Variants in CGB5 observed in about 807,000 individuals in gnomAD.
CGB5 encodes chorionic gonadotropin, beta polypeptide 5.
A neutral mutation model predicts 7.6 loss-of-function variants in CGB5; 2 were observed. That is an observed-to-expected ratio of 0.26 (90% CI 0.11 to 0.83). The LOEUF (loss-of-function observed/expected upper bound fraction) is 0.83, where lower values mean the gene tolerates loss of function less well. CGB5 is among the 40% of genes least tolerant of loss of function. The pLI is 0.65. For missense variants in CGB5, 48 were observed against 228.2 expected (o/e 0.21, Z 5.09); for synonymous variants, 25 against 99.8 (o/e 0.25, Z 4.47).
At position 49,044,296 on chromosome 19, in the gene CGB5, A is replaced by C. The variant is rs541840801; in HGVS notation, c.15+72A>C. ...TCACTGGCATGAGAAGGGGCAGACC[A>C]GTGTGAGCTGTGGAAGGAGGCCTCT... On this transcript the variant is annotated intron_variant, in intron 1 of 2. Transcript: ENST00000301408. 4.4e-4 allele frequency: 701 copies of C among 1,610,356 alleles called. 3 individuals are homozygous for C. Among genetic ancestry groups the C allele is most frequent in the South Asian group, 7.9e-4 (72 of 90,958 alleles).
At position 49,043,849 on chromosome 19, in the gene CGB5, G is replaced by A; in HGVS notation, c.-361G>A. 2 of 1,255,170 alleles carry A rather than the reference G, an allele frequency of 1.6e-6. No individual in the cohort carries two copies. Among genetic ancestry groups the A allele is most frequent in the South Asian group, 2.0e-5 (1 of 51,242 alleles). The allele number at this position is 1,255,170 out of a possible 1,614,324, so 77.8% of individuals were successfully genotyped here. On this transcript the variant is annotated 5_prime_UTR_variant, in exon 1 of 3. Coordinates refer to ENST00000301408, the MANE Select transcript of CGB5 (RefSeq NM_033043.2). ...AGAGGAGGGTTGAGGCTTCAATCCAGCACTTTGCTCGGGTCACGGCCTCCT... is the reference window on the plus strand; with the variant it reads ...AGAGGAGGGTTGAGGCTTCAATCCAACACTTTGCTCGGGTCACGGCCTCCT...
rs2039921805 is a variant in CGB5, at chr19:49,044,883, G to A, written c.184-97G>A. The A allele has an allele frequency of 2.4e-5, 38 of 1,572,852 alleles. No individual in the cohort carries two copies. In the South Asian group the frequency reaches 3.3e-4, roughly 14 times the overall value. On this transcript the variant is annotated intron_variant, in intron 2 of 2. Transcript: ENST00000301408. ...GGAGGGCAGGAACAGAGGGCTTCCC[G>A]GACCCCTGAGTCTGAGACCTGTGGG...
chr19:49,044,964 C>A lies in CGB5; in HGVS notation c.184-16C>A. 6.3e-7 allele frequency: 1 copy of A among 1,587,242 alleles called. No homozygotes were observed. The highest frequency in any genetic ancestry group is 2.2e-5 in the East Asian group (1 of 44,720). The stretch of plus-strand genomic sequence containing the variant: ...CCCCAGGCACATGCTCATTCCCCCA[C>A]TCACACGGCTTCCAGACCCGCGTGC... On this transcript the variant is annotated splice_polypyrimidine_tract_variant and intron_variant, in intron 2 of 2. Coordinates refer to ENST00000301408, the MANE Select transcript of CGB5 (RefSeq NM_033043.2).
chr19:49,044,342 C>G lies in CGB5; in HGVS notation c.15+118C>G. ...CCTCTTTCTGGAGGAGCGTGACCCC[C>G]AGTAAGCTTCAGGTGGGGCAGTTCC... is the stretch of plus-strand genomic sequence containing the variant. On this transcript the variant is annotated intron_variant, in intron 1 of 2. Transcript: ENST00000301408. 4 of 1,605,340 alleles carry G rather than the reference C, an allele frequency of 2.5e-6. No individual in the cohort carries two copies. The South Asian group carries it at 4.4e-5, about 18-fold the overall frequency.
chr19:49,044,406 C>T (rs1157579497), intron 1 of CGB5, 171 bp from the exon 2 acceptor site: 6 of 982,108 alleles, frequency 6.1e-6, no homozygotes, highest in South Asian at 4.7e-5. Flanking sequence ...ATCTCAGGTC[C>T]TCTGGGCTGT....
At chr19:49,044,443 C>T (rs1274791446) in intron 1 of CGB5, 134 bp from the exon 2 acceptor site, 14 of 1,461,288 alleles carry the variant, frequency 9.6e-6, no homozygotes, top group South Asian at 2.8e-5. Context: ...GGCAGGTGTC[C>T]GGGTGGTGGG....
At chr19:49,044,505 C>T (rs1285489947) in intron 1 of CGB5, 72 bp from the exon 2 acceptor site, 5 of 1,417,584 alleles carry the variant, frequency 3.5e-6, no homozygotes, top group East Asian at 2.5e-5. Flanking sequence ...GGGTGGTGTA[C>T]CACGCGGGAT....
Position 49,044,206 on chromosome 19 carries a change from A to G in CGB5, c.-4A>G, listed in dbSNP as rs533841470. 72 of 1,613,496 alleles carry G rather than the reference A, an allele frequency of 4.5e-5. No homozygotes were observed. In the East Asian group the frequency reaches 1.3e-3, roughly 29 times the overall value. On this transcript the variant is annotated 5_prime_UTR_variant, in exon 1 of 3. Transcript: ENST00000301408. ...AGGTACACGAGGCAGGGGACGCACC[A>G]AGGATGGAGATGTTCCAGGTAAGAC...
intron 1 of CGB5, 117 bp downstream of exon 1, chr19:49,044,341 C>G: frequency 6.2e-7 from 1 of 1,605,740 alleles, no homozygotes; most frequent in Non-Finnish European, 8.5e-7. Context: ...AGCGTGACCC[C>G]CAGTAAGCTT....
rs4002422 is a variant in CGB5 at position 49,044,395 on chromosome 19, C to T, written c.15+171C>T. The stretch of plus-strand genomic sequence containing the variant: ...AGGGTGGGGATCTGAAATTTTGGGG[C>T]ATCTCAGGTCCTCTGGGCTGTGGGG... On this transcript the variant is annotated intron_variant, in intron 1 of 2. Transcript: ENST00000301408. The T allele has an allele frequency of 1.2e-3, 1,141 of 980,706 alleles. 6 individuals carry two copies. The highest frequency in any genetic ancestry group is 3.1e-3 in the African/African-American group (165 of 53,260). The allele number at this position is 980,706 out of a possible 1,614,324, so 60.8% of individuals were successfully genotyped here. A position where few individuals can be genotyped will look rare whatever the true frequency, so the allele number is the denominator to read the frequency against.
chr19:49,044,907 G>A (rs910361473), intron 2 of CGB5, 73 bp from the exon 3 acceptor site: 5 of 1,590,746 alleles, frequency 3.1e-6, no homozygotes, highest in South Asian at 1.1e-5. Context: ...GAGACCTGTG[G>A]GGGCAACTGG....
chr19:49,044,067 G>A lies in CGB5; in HGVS notation c.-143G>A, dbSNP rs541779442. ...GGGCGCTCCGCTGAGCCACTCCTGC[G>A]CCCCCCTGGCCTTGTCTACCTCTTG... On this transcript the variant is annotated 5_prime_UTR_variant, in exon 1 of 3. Coordinates refer to ENST00000301408, the MANE Select transcript of CGB5 (RefSeq NM_033043.2). The A allele has an allele frequency of 4.6e-5, 64 of 1,399,460 alleles. 1 individual carries two copies. The highest frequency in any genetic ancestry group is 4.6e-4 in the East Asian group (20 of 43,812). 86.7% of individuals were successfully genotyped at this position (1,399,460 alleles called of 1,614,324 possible).
In CGB5 at chr19:49,043,880, C is replaced by T. The variant is rs1181407191; in HGVS notation, c.-330C>T. 89 of 1,274,680 alleles carry T rather than the reference C, an allele frequency of 7.0e-5. No individual in the cohort carries two copies. Among genetic ancestry groups the T allele is most frequent in the Non-Finnish European group, 8.5e-5 (84 of 987,114 alleles). 79.0% of individuals were successfully genotyped at this position (1,274,680 alleles called of 1,614,324 possible). A position where few individuals can be genotyped will look rare whatever the true frequency, so the allele number is the denominator to read the frequency against. ...TGCTCGGGTCACGGCCTCCTCCTGG[C>T]TCCCAGGACCCCACCATAGGCAGAG... On this transcript the variant is annotated 5_prime_UTR_variant, in exon 1 of 3. Coordinates refer to ENST00000301408, the MANE Select transcript of CGB5 (RefSeq NM_033043.2).
rs1188656718 is a variant in CGB5 at position 49,044,393 on chromosome 19, G to A, written c.15+169G>A. The A allele has an allele frequency of 4.1e-6, 4 of 982,410 alleles. No homozygotes were observed. The South Asian group carries it at 1.4e-4, about 35-fold the overall frequency. 60.9% of individuals were successfully genotyped at this position (982,410 alleles called of 1,614,324 possible). On this transcript the variant is annotated intron_variant, in intron 1 of 2. Coordinates refer to ENST00000301408, the MANE Select transcript of CGB5 (RefSeq NM_033043.2). ...TAAGGGTGGGGATCTGAAATTTTGG[G>A]GCATCTCAGGTCCTCTGGGCTGTGG... is the stretch of plus-strand genomic sequence containing the variant.
At chr19:49,044,954 C>T (rs2039922663) in intron 2 of CGB5, 26 bp from the exon 3 acceptor site, 1 of 1,592,302 alleles carries the variant, frequency 6.3e-7, no homozygotes, top group African/African-American at 1.4e-5. Flanking sequence ...GGCACATGCT[C>T]ATTCCCCCAC....
In CGB5 at chr19:49,044,174, T is replaced by G; in HGVS notation, c.-36T>G. 3 of 1,613,816 alleles carry G rather than the reference T, an allele frequency of 1.9e-6. No individual in the cohort carries two copies. The highest frequency in any genetic ancestry group is 2.5e-6 in the Non-Finnish European group (3 of 1,179,874). ...TTGCCGCCCCCACAACCCCGAGGTA[T>G]AAAGCCAGGTACACGAGGCAGGGGA... On this transcript the variant is annotated 5_prime_UTR_variant, in exon 1 of 3. Transcript: ENST00000301408.
At chr19:49,044,942 C>T in intron 2 of CGB5, 38 bp from the exon 3 acceptor site, 1 of 1,592,746 alleles carries the variant, frequency 6.3e-7, no homozygotes, top group South Asian at 1.1e-5. Context: ...GCGCTGGCCC[C>T]AGGCACATGC....
Position 49,043,887 on chromosome 19 carries a change from G to A in CGB5, c.-323G>A, listed in dbSNP as rs1445841232. On this transcript the variant is annotated 5_prime_UTR_variant, in exon 1 of 3. Coordinates refer to ENST00000301408, the MANE Select transcript of CGB5 (RefSeq NM_033043.2). ...GTCACGGCCTCCTCCTGGCTCCCAG[G>A]ACCCCACCATAGGCAGAGGCAGGCC... is the stretch of plus-strand genomic sequence containing the variant. 3.2e-6 allele frequency: 4 copies of A among 1,260,454 alleles called. No individual in the cohort carries two copies. The highest frequency in any genetic ancestry group is 4.1e-6 in the Non-Finnish European group (4 of 972,994). The allele number at this position is 1,260,454 out of a possible 1,614,324, so 78.1% of individuals were successfully genotyped here.
At position 49,044,662 on chromosome 19, in the gene CGB5, C is replaced by G; in HGVS notation, c.101C>G (p.Ala34Gly). 4 of 1,579,584 alleles carry G rather than the reference C, an allele frequency of 2.5e-6. No individual in the cohort carries two copies. The highest frequency in any genetic ancestry group is 3.4e-6 in the Non-Finnish European group (4 of 1,169,842). The stretch of plus-strand genomic sequence containing the variant: ...CGGCCACGGTGCCGCCCCATCAATG[C>G]CACCCTGGCTGTGGAGAAGGAGGGC... ...PLRPRCRPIN[A>G]TLAVEKEGCP... The change falls in exon 2 of 3, where the codon GCC becomes GGC. Residue 34 changes from alanine (A) to glycine (G), a missense_variant. Physicochemically the swap from Ala to Gly is moderately conservative, Grantham distance 60. Transcript: ENST00000301408.
Sources: gnomAD v4.1 joint callset for allele counts on GRCh38, gnomAD v4.1.1 for gene constraint, MANE v1.5 for transcripts, NCBI Gene and HGNC (gene_info 2026-07-23, HGNC 2026-07-21) for gene names.